The following CSMD1 variants were observed in gnomAD, a reference collection of about 807,000 sequenced individuals.
CSMD1 encodes CUB and Sushi multiple domains 1.
In CSMD1, 213 loss-of-function variants were observed where a neutral mutation model predicts 417.5. The ratio of observed to expected loss-of-function variants is 0.51; its 90% CI spans 0.46 to 0.57. The LOEUF is 0.57. CSMD1 is among the 20% of genes least tolerant of loss of function. CSMD1 has a pLI of 0.00. For missense variants in CSMD1, 6,923 were observed against 4,529.7 expected (o/e 1.53, Z -15.17); for synonymous variants, 2,862 against 1,736.8 (o/e 1.65, Z -16.11).
At chr8:3,976,343 G>A (rs1238781092) in intron 5 of CSMD1, among the ~76,000 whole-genome samples, 1 of 152,054 alleles carries the variant, frequency 6.6e-6, no homozygotes, top group South Asian at 2.1e-4. Context: ...TACTAAAACT[G>A]AAAGGTAACT....
In CSMD1 at chr8:4,966,904, A is replaced by G. The variant is rs189173408; in HGVS notation, c.85+27428T>C. 7.9e-5 allele frequency among the ~76,000 whole-genome samples: 12 copies of G among 152,304 alleles called. No individual in the cohort carries two copies. The East Asian group carries it at 2.3e-3, about 29-fold the overall frequency. ...ACAAGCACGGTTAAAAATATCAACT[A>G]AAGTGACTGAAGCATTGGCAATCCA... is the stretch of plus-strand genomic sequence containing the variant. On this transcript the variant is annotated intron_variant, in intron 1 of 69. Coordinates refer to ENST00000635120, the MANE Select transcript of CSMD1 (RefSeq NM_033225.6).
intron 10 of CSMD1, among the ~76,000 whole-genome samples, chr8:3,508,652 C>T (rs1237626774): frequency 1.3e-5 from 2 of 152,072 alleles, no homozygotes; most frequent in Non-Finnish European, 2.9e-5. Flanking sequence ...CTCCTTCAGT[C>T]GGTTTTATTG....
At chr8:3,191,439 G>A (rs770070356) in intron 33 of CSMD1, among the ~76,000 whole-genome samples, 5 of 152,122 alleles carry the variant, frequency 3.3e-5, no homozygotes, top group Non-Finnish European at 7.4e-5. Flanking sequence ...CTGGGTGAAA[G>A]ATTGAGAAAA....
intron 7 of CSMD1, among the ~76,000 whole-genome samples, chr8:3,678,958 A>G (rs1563264904): frequency 6.6e-6 from 1 of 152,196 alleles, no homozygotes; most frequent in Admixed American, 6.5e-5. Flanking sequence ...GTGAAGAAAT[A>G]AAATACTTCA....
intron 2 of CSMD1, among the ~76,000 whole-genome samples, chr8:4,506,841 A>G (rs760606994): frequency 1.1e-4 from 16 of 152,348 alleles, no homozygotes; most frequent in Admixed American, 6.5e-4. Flanking sequence ...ATAGAAATCC[A>G]TGTCTTATAT....
At chr8:2,938,972 A>G (rs1333314656) in intron 69 of CSMD1, among the ~76,000 whole-genome samples, 1 of 152,166 alleles carries the variant, frequency 6.6e-6, no homozygotes, top group African/African-American at 2.4e-5. Context: ...AAAATTAAAT[A>G]AAATTTTTTT....
intron 26 of CSMD1, among the ~76,000 whole-genome samples, chr8:3,249,137 A>G (rs1256576584): frequency 1.3e-5 from 2 of 152,156 alleles, no homozygotes; most frequent in Non-Finnish European, 2.9e-5. Flanking sequence ...CCTAGCAGGT[A>G]TTAAATAGTA....
intron 5 of CSMD1, among the ~76,000 whole-genome samples, chr8:3,938,232 G>A (rs1215696175): frequency 3.3e-5 from 5 of 152,006 alleles, no homozygotes; most frequent in East Asian, 1.9e-4. Context: ...GAAGCCATGT[G>A]TAAAATGCTT....
At chr8:3,033,901 G>A (rs1296246536) in intron 50 of CSMD1, among the ~76,000 whole-genome samples, 1 of 152,246 alleles carries the variant, frequency 6.6e-6, no homozygotes, top group African/African-American at 2.4e-5. Flanking sequence ...CAACTCAAGA[G>A]GATGTGGTTG....
intron 10 of CSMD1, among the ~76,000 whole-genome samples, chr8:3,499,545 C>G (rs1480583406): frequency 6.6e-6 from 1 of 152,008 alleles, no homozygotes; most frequent in Non-Finnish European, 1.5e-5. Context: ...AAAGGCCAGT[C>G]CTTGGTCTCC....
chr8:3,909,710 C>G (rs560191112), intron 5 of CSMD1, among the ~76,000 whole-genome samples: 2 of 152,250 alleles, frequency 1.3e-5, no homozygotes, highest in East Asian at 3.9e-4. Flanking sequence ...ATTCTTGCGG[C>G]TTGTGTAGCA....
chr8:4,724,347 C>T (rs1256596578), intron 1 of CSMD1, among the ~76,000 whole-genome samples: 1 of 151,940 alleles, frequency 6.6e-6, no homozygotes, highest in Non-Finnish European at 1.5e-5. Flanking sequence ...GCTAATAATG[C>T]CCATTAAAAT....
intron 3 of CSMD1, among the ~76,000 whole-genome samples, chr8:4,288,147 G>T (rs1797163876): frequency 1.3e-5 from 2 of 152,110 alleles, no homozygotes; most frequent in Admixed American, 6.6e-5. Flanking sequence ...AAGTTTGACT[G>T]AGAAAAGAAA....
intron 5 of CSMD1, among the ~76,000 whole-genome samples, chr8:3,781,048 A>C (rs1053617128): frequency 6.6e-6 from 1 of 152,194 alleles, no homozygotes; most frequent in Non-Finnish European, 1.5e-5. Context: ...ATCTAAGCAA[A>C]GTAAAGCAGC....
intron 5 of CSMD1, among the ~76,000 whole-genome samples, chr8:3,858,543 G>A (rs1178696662): frequency 6.6e-6 from 1 of 152,114 alleles, no homozygotes; most frequent in Admixed American, 6.6e-5. Context: ...CATAGAGCAA[G>A]GTGTTAACTG....
chr8:4,888,237 A>G (rs1049186599), intron 1 of CSMD1, among the ~76,000 whole-genome samples: 43 of 152,064 alleles, frequency 2.8e-4, no homozygotes, highest in African/African-American at 9.7e-4. Context: ...AAATAAAGCT[A>G]TATTTAGGAA....
chr8:4,645,050 GATATTTTAATTCC>G (rs1803436812), intron 1 of CSMD1, among the ~76,000 whole-genome samples: 1 of 152,138 alleles, frequency 6.6e-6, no homozygotes, highest in Admixed American at 6.6e-5. Context: ...GGATGCAGGT[GATATTTTAATTCC>G]AAAAGCAGAG....
Position 3,836,020 on chromosome 8 carries a change from T to C in CSMD1, c.819-81978A>G, listed in dbSNP as rs1019917014. Among the ~76,000 whole-genome samples the C allele has an allele frequency of 5.9e-5, 9 of 152,252 alleles. No individual in the cohort carries two copies. In the East Asian group the frequency reaches 1.5e-3, roughly 26 times the overall value. On this transcript the variant is annotated intron_variant, in intron 5 of 69. Transcript: ENST00000635120. ...TTCTATCATTTCTACTGTCCTCATTTTCTGTTTCATTAGCTTTTTCTAATT... is the reference window on the plus strand; with the variant it reads ...TTCTATCATTTCTACTGTCCTCATTCTCTGTTTCATTAGCTTTTTCTAATT...
intron 5 of CSMD1, among the ~76,000 whole-genome samples, chr8:3,928,329 G>T (rs1447144030): frequency 6.6e-6 from 1 of 152,046 alleles, no homozygotes; most frequent in Non-Finnish European, 1.5e-5. Flanking sequence ...TTAATTGCCA[G>T]GACTGAGTGG....
Sources: allele counts gnomAD v4.1 joint callset (sites outside exome capture counted in the v4.1 genomes callset), GRCh38; gene constraint gnomAD v4.1.1; transcripts MANE v1.5; gene names NCBI Gene and HGNC (gene_info 2026-07-23, HGNC 2026-07-21).